Variants in ADK observed in about 807,000 individuals in gnomAD.
ADK encodes adenosine kinase.
ADK carries 24 observed loss-of-function variants against 44.7 expected under a neutral mutation model. That is an observed-to-expected ratio of 0.54 (90% CI 0.39 to 0.76). ADK has a LOEUF of 0.76. ADK is among the 30% of genes least tolerant of loss of function. The pLI is 0.00. For synonymous variants in ADK, 128 were observed against 142.6 expected (o/e 0.90, Z 0.73); for missense variants, 321 against 425.1 (o/e 0.76, Z 2.15).
At chr10:74,608,919 G>T (rs1852438656) in intron 9 of ADK, among the ~76,000 whole-genome samples, 1 of 152,158 alleles carries the variant, frequency 6.6e-6, no homozygotes, top group African/African-American at 2.4e-5. Context: ...TAGATGCCCT[G>T]CCCAGAGAGG....
intron 2 of ADK, among the ~76,000 whole-genome samples, chr10:74,221,602 G>T (rs552557496): frequency 6.8e-6 from 1 of 147,032 alleles, no homozygotes; most frequent in African/African-American, 2.6e-5. Context: ...GAGGCATCAC[G>T]CTACCTGACT....
chr10:74,380,110 C>G (rs11001022), intron 4 of ADK, among the ~76,000 whole-genome samples: 73,438 of 152,008 alleles, frequency 0.48, 20,131 homozygotes, highest in Non-Finnish European at 0.62. Flanking sequence ...GCATTTCTTA[C>G]AATTATGCAT....
chr10:74,207,160 G>C (rs1338613851), intron 2 of ADK, among the ~76,000 whole-genome samples: 1 of 152,178 alleles, frequency 6.6e-6, no homozygotes, highest in Non-Finnish European at 1.5e-5. Context: ...TGGATCTGAT[G>C]CATCTCAAGT....
intron 9 of ADK, among the ~76,000 whole-genome samples, chr10:74,642,511 A>C (rs1490654504): frequency 6.6e-6 from 1 of 151,802 alleles, no homozygotes; most frequent in African/African-American, 2.4e-5. Context: ...GACCTCAATA[A>C]TTTTTTAAGA....
At chr10:74,595,419 C>G (rs1302411781) in intron 8 of ADK, among the ~76,000 whole-genome samples, 2 of 68,176 alleles carry the variant, frequency 2.9e-5, no homozygotes, top group Non-Finnish European at 5.5e-5. Flanking sequence ...TTTGTCACGC[C>G]AGGCTGGAGT....
At chr10:74,686,678 T>C (rs1855800609) in intron 10 of ADK, among the ~76,000 whole-genome samples, 1 of 152,106 alleles carries the variant, frequency 6.6e-6, no homozygotes, top group Non-Finnish European at 1.5e-5. Flanking sequence ...TTGTTTTTTG[T>C]TTTTTGTGTT....
At position 74,173,139 on chromosome 10, in the gene ADK, C is replaced by A. The variant is rs1842215794; in HGVS notation, c.65+21796C>A. ...ATGGAGTCTTGCTCTGTCACCTAGGCTGGAGTGCAGTGGCATGATCTCTGC... is the reference window on the plus strand; with the variant it reads ...ATGGAGTCTTGCTCTGTCACCTAGGATGGAGTGCAGTGGCATGATCTCTGC... On this transcript the variant is annotated intron_variant, in intron 1 of 10. Coordinates refer to ENST00000539909, the MANE Select transcript of ADK (RefSeq NM_006721.4). Among the ~76,000 whole-genome samples, 5 of 149,334 alleles carry A rather than the reference C, an allele frequency of 3.3e-5. No homozygotes were observed. In the South Asian group the frequency reaches 1.1e-3, roughly 32 times the overall value.
chr10:74,459,375 C>T (rs1173482880), intron 6 of ADK, among the ~76,000 whole-genome samples: 2 of 151,732 alleles, frequency 1.3e-5, no homozygotes, highest in East Asian at 3.9e-4. Flanking sequence ...CCTAGAACAC[C>T]TTTTTACATT....
intron 1 of ADK, among the ~76,000 whole-genome samples, chr10:74,153,701 G>A (rs947971994): frequency 6.6e-6 from 1 of 152,190 alleles, no homozygotes; most frequent in African/African-American, 2.4e-5. Context: ...TGTGATGAAA[G>A]AAGTGGAGAA....
chr10:74,173,421 CTTTTTCTTTCTTTT>C (rs1381109277), intron 1 of ADK, among the ~76,000 whole-genome samples: 4 of 145,814 alleles, frequency 2.7e-5, no homozygotes, highest in Non-Finnish European at 3.0e-5. Context: ...AATTTTTTTT[CTTTTTCTTTCTTTT>C]TTTTTTTCTT....
intron 6 of ADK, among the ~76,000 whole-genome samples, chr10:74,411,748 G>T (rs1335904553): frequency 6.6e-6 from 1 of 152,166 alleles, no homozygotes; most frequent in Non-Finnish European, 1.5e-5. Context: ...TTTCATAAAA[G>T]ATTTCTCTGT....
chr10:74,663,248 A>AATATATATATATAT (rs199853152), intron 9 of ADK, among the ~76,000 whole-genome samples: 6 of 140,864 alleles, frequency 4.3e-5, no homozygotes, highest in African/African-American at 1.6e-4. Context: ...AAAAAAAAAT[A>AATATATATATATAT]ATATATATAT....
chr10:74,490,162 A>G (rs1847424759), intron 6 of ADK, among the ~76,000 whole-genome samples: 1 of 152,076 alleles, frequency 6.6e-6, no homozygotes, highest in African/African-American at 2.4e-5. Context: ...ATAAGGAAGA[A>G]AATAAGCATG....
At chr10:74,398,654 TA>T in intron 6 of ADK, 75 bp downstream of exon 6, 1 of 767,174 alleles carries the variant, frequency 1.3e-6, no homozygotes, top group Non-Finnish European at 2.1e-6. Context: ...ATATATATTT[TA>T]AAATAATTAT....
At chr10:74,606,666 A>G (rs1450043664) in intron 9 of ADK, among the ~76,000 whole-genome samples, 2 of 152,174 alleles carry the variant, frequency 1.3e-5, no homozygotes, top group Non-Finnish European at 2.9e-5. Flanking sequence ...TATGTGGTCA[A>G]TTTTAGAATA....
At chr10:74,545,454 C>T (rs1303711172) in intron 7 of ADK, among the ~76,000 whole-genome samples, 1 of 152,156 alleles carries the variant, frequency 6.6e-6, no homozygotes, top group Non-Finnish European at 1.5e-5. Context: ...TTGTTCCATC[C>T]TCTCTGGTTT....
At chr10:74,447,747 A>G (rs1416249429) in intron 6 of ADK, among the ~76,000 whole-genome samples, 2 of 152,228 alleles carry the variant, frequency 1.3e-5, no homozygotes, top group Non-Finnish European at 2.9e-5. Context: ...ATAAGAAGTC[A>G]ATTAAAAAAG....
At chr10:74,364,287 A>T (rs1842431125) in intron 4 of ADK, among the ~76,000 whole-genome samples, 1 of 152,136 alleles carries the variant, frequency 6.6e-6, no homozygotes, top group African/African-American at 2.4e-5. Flanking sequence ...CTATCCCACT[A>T]TTGAAACAAA....
intron 6 of ADK, among the ~76,000 whole-genome samples, chr10:74,486,025 T>C (rs1382910765): frequency 6.6e-6 from 1 of 152,118 alleles, no homozygotes; most frequent in African/African-American, 2.4e-5. Context: ...GGTGATATGG[T>C]TAGGCTTTTT....
Sources: gnomAD v4.1 joint callset for allele counts (sites outside exome capture counted in the v4.1 genomes callset) on GRCh38, gnomAD v4.1.1 for gene constraint, MANE v1.5 for transcripts, NCBI Gene and HGNC (gene_info 2026-07-23, HGNC 2026-07-21) for gene names.